TAFA2: variants seen among roughly 807,000 people sequenced by gnomAD.
TAFA2 encodes TAFA chemokine like family member 2, also known as chemokine-like protein TAFA-2.
TAFA2 carries 7 observed loss-of-function variants against 18.8 expected under a neutral mutation model. The ratio of observed to expected loss-of-function variants is 0.37; its 90% CI spans 0.21 to 0.70. TAFA2 has a LOEUF of 0.70. Among genes scored for constraint, TAFA2 ranks in the 30% least tolerant of loss-of-function variants. The pLI, the probability that TAFA2 is intolerant of heterozygous loss-of-function variation, is 0.53. For synonymous variants in TAFA2, 60 were observed against 54.2 expected, an observed-to-expected ratio of 1.11 and a Z score of -0.47; for missense variants, 122 against 158.1, an observed-to-expected ratio of 0.77 and a Z score of 1.23.
chr12:62,191,013 C>T (rs1440950598), intron 1 of TAFA2, among the ~76,000 whole-genome samples: 1 of 152,114 alleles, frequency 6.6e-6, no homozygotes, highest in Non-Finnish European at 1.5e-5. Context: ...ATTTCGCATG[C>T]TCCGATCCCC....
rs796096562 is a variant in TAFA2 at position 61,747,414 on chromosome 12, A to C, written c.384+6208T>G. ...CATGCTGCTATAAAGACACATGCACACGTATGTTTATTGCGGCATTATTCA... is the reference window on the plus strand; with the variant it reads ...CATGCTGCTATAAAGACACATGCACCCGTATGTTTATTGCGGCATTATTCA... On this transcript the variant is annotated intron_variant, in intron 4 of 4. Transcript: ENST00000416284. Among the ~76,000 whole-genome samples the C allele has an allele frequency of 2.6e-4, 39 of 147,348 alleles. 1 individual carries two copies. The South Asian group carries it at 8.0e-3, about 30-fold the overall frequency.
At chr12:61,949,061 C>A (rs539733212) in intron 1 of TAFA2, among the ~76,000 whole-genome samples, 1 of 152,148 alleles carries the variant, frequency 6.6e-6, no homozygotes, top group East Asian at 1.9e-4. Flanking sequence ...TAAGGCATTA[C>A]TCTGTGTGTA....
chr12:61,842,394 A>T (rs1228464907), intron 2 of TAFA2, among the ~76,000 whole-genome samples: 1 of 151,864 alleles, frequency 6.6e-6, no homozygotes. Context: ...TTTTAAGTTG[A>T]ACTCTGTTGT....
At chr12:62,103,359 A>G (rs775402534) in intron 1 of TAFA2, among the ~76,000 whole-genome samples, 23 of 152,180 alleles carry the variant, frequency 1.5e-4, no homozygotes, top group Non-Finnish European at 3.1e-4. Context: ...CCCCATCAGA[A>G]CCAGCAATGA....
At chr12:62,177,177 A>G (rs1207834788) in intron 1 of TAFA2, among the ~76,000 whole-genome samples, 1 of 152,250 alleles carries the variant, frequency 6.6e-6, no homozygotes, top group African/African-American at 2.4e-5. Context: ...GTCCATGACA[A>G]CTATGCAGGG....
chr12:61,987,608 T>C (rs1879862632), intron 1 of TAFA2, among the ~76,000 whole-genome samples: 1 of 152,220 alleles, frequency 6.6e-6, no homozygotes, highest in African/African-American at 2.4e-5. Flanking sequence ...TAAACAATGG[T>C]TGACAGGTTA....
intron 4 of TAFA2, among the ~76,000 whole-genome samples, chr12:61,749,201 A>T (rs528905570): frequency 6.6e-6 from 1 of 152,186 alleles, no homozygotes; most frequent in Admixed American, 6.5e-5. Context: ...TGAACTCAAG[A>T]GGTGGAGGTT....
intron 1 of TAFA2, among the ~76,000 whole-genome samples, chr12:62,116,418 T>C (rs1592345736): frequency 6.6e-6 from 1 of 152,156 alleles, no homozygotes; most frequent in Non-Finnish European, 1.5e-5. Context: ...TTACAGGTGT[T>C]CCATTGCCAT....
chr12:62,178,739 C>A (rs1392851022), intron 1 of TAFA2, among the ~76,000 whole-genome samples: 1 of 152,208 alleles, frequency 6.6e-6, no homozygotes, highest in Non-Finnish European at 1.5e-5. Context: ...ACAAGAAGAT[C>A]TGCCCTTTGC....
At chr12:61,717,237 C>T (rs1869701291) in intron 4 of TAFA2, among the ~76,000 whole-genome samples, 1 of 152,164 alleles carries the variant, frequency 6.6e-6, no homozygotes, top group African/African-American at 2.4e-5. Context: ...TCTTAAAGCA[C>T]CTCATGCAAT....
At chr12:62,065,963 G>A (rs539937381) in intron 1 of TAFA2, among the ~76,000 whole-genome samples, 1 of 152,076 alleles carries the variant, frequency 6.6e-6, no homozygotes, top group Non-Finnish European at 1.5e-5. Flanking sequence ...ACCAGTGCAT[G>A]TAGGAAAAGC....
chr12:62,252,510 C>T (rs2062918988), intron 1 of TAFA2: 3 of 152,296 alleles, frequency 2.0e-5, no homozygotes, highest in Middle Eastern at 3.4e-3. Context: ...CACAAAATCC[C>T]CAATTGGGTC....
chr12:62,205,284 G>T (rs78847922), intron 1 of TAFA2, among the ~76,000 whole-genome samples: 1 of 152,134 alleles, frequency 6.6e-6, no homozygotes, highest in African/African-American at 2.4e-5. Context: ...GACCACTCTT[G>T]GGGGGGTCTC....
Position 61,912,504 on chromosome 12 carries a change from CTAGAA to C in TAFA2, c.-1-45083_-1-45079del, listed in dbSNP as rs201560811. Among the ~76,000 whole-genome samples the C allele has an allele frequency of 9.9e-5, 15 of 152,206 alleles. No individual in the cohort carries two copies. In the East Asian group the frequency reaches 2.7e-3, roughly 27 times the overall value. On this transcript the variant is annotated intron_variant, in intron 1 of 4. Transcript: ENST00000416284. ...ATATTTTTCATCAGTCAGCACTATT[CTAGAA>C]TAGAAGTTAAGTCATAACGAATCAT...
At chr12:62,226,694 T>C (rs2062788505) in intron 1 of TAFA2, among the ~76,000 whole-genome samples, 1 of 152,210 alleles carries the variant, frequency 6.6e-6, no homozygotes, top group Non-Finnish European at 1.5e-5. Context: ...CTTCCTCTCA[T>C]ATTTCCAAAA....
At chr12:62,194,301 T>TCA (rs60670024), upstream of TAFA2, among the ~76,000 whole-genome samples, 19,989 of 145,874 alleles carry the variant, frequency 0.14, 1,486 homozygotes, top group African/African-American at 0.21. Flanking sequence ...GGCTTTCTTT[T>TCA]CACACACACA....
intron 4 of TAFA2, among the ~76,000 whole-genome samples, chr12:61,733,276 A>G (rs1043843302): frequency 6.6e-6 from 1 of 151,960 alleles, no homozygotes; most frequent in Non-Finnish European, 1.5e-5. Context: ...CTTTAGTTTA[A>G]TTAGATCCCA....
At chr12:61,938,963 T>C (rs10161280) in intron 1 of TAFA2, among the ~76,000 whole-genome samples, 2 of 151,816 alleles carry the variant, frequency 1.3e-5, no homozygotes, top group African/African-American at 2.4e-5. Flanking sequence ...TAGGGTACAA[T>C]GTACACTACT....
chr12:62,009,322 G>A (rs184481599), intron 1 of TAFA2, among the ~76,000 whole-genome samples: 1 of 152,270 alleles, frequency 6.6e-6, no homozygotes, highest in East Asian at 1.9e-4. Flanking sequence ...AGTAACAGCA[G>A]AGAAAGCTCA....
Sources: gnomAD v4.1 joint callset for allele counts (sites outside exome capture counted in the v4.1 genomes callset) on GRCh38, gnomAD v4.1.1 for gene constraint, MANE v1.5 for transcripts, NCBI Gene and HGNC (gene_info 2026-07-23, HGNC 2026-07-21) for gene names.